DDAH1: variants seen among roughly 807,000 people sequenced by gnomAD.
DDAH1 encodes dimethylarginine dimethylaminohydrolase 1.
Under a neutral mutation model 28.8 loss-of-function variants are expected in DDAH1, and 19 were observed. That is an observed-to-expected ratio of 0.66 (90% CI 0.46 to 0.97). DDAH1 has a LOEUF of 0.97. Ranked by LOEUF, DDAH1 falls within the 50% of genes least tolerant of loss-of-function variation. The probability of loss-of-function intolerance (pLI) is 0.00; values close to 1 mark genes in which losing one functional copy is unlikely to be tolerated. For synonymous variants in DDAH1, 153 were observed against 154.4 expected (o/e 0.99, Z 0.07); for missense variants, 326 against 375.9 (o/e 0.87, Z 1.10).
intron 1 of DDAH1, among the ~76,000 whole-genome samples, chr1:85,552,056 T>C (rs1658808307): frequency 6.6e-6 from 1 of 152,172 alleles, no homozygotes. Context: ...GGATAACTTG[T>C]CCTACCCAAT....
chr1:85,451,817 A>G (rs1466303298), intron 1 of DDAH1, among the ~76,000 whole-genome samples: 1 of 152,178 alleles, frequency 6.6e-6, no homozygotes, highest in Non-Finnish European at 1.5e-5. Flanking sequence ...AGCAGTAGAA[A>G]TGAGACTGGA....
At chr1:85,514,373 G>C (rs1353580114) in intron 1 of DDAH1, among the ~76,000 whole-genome samples, 5 of 152,038 alleles carry the variant, frequency 3.3e-5, no homozygotes, top group Non-Finnish European at 7.4e-5. Context: ...ATCACACACC[G>C]GGGCCTGTCA....
chr1:85,435,004 A>G (rs1653869567), intron 1 of DDAH1, among the ~76,000 whole-genome samples: 1 of 152,134 alleles, frequency 6.6e-6, no homozygotes, highest in African/African-American at 2.4e-5. Flanking sequence ...TTATGTCTCT[A>G]AGTTTTACTA....
intron 1 of DDAH1, chr1:85,435,154 G>C (rs1468223807): frequency 6.6e-6 from 1 of 151,984 alleles, no homozygotes; most frequent in African/African-American, 2.4e-5. Context: ...CACTTAATTT[G>C]CCCATTAGTT....
intron 1 of DDAH1, among the ~76,000 whole-genome samples, chr1:85,450,949 T>TA (rs1482059600): frequency 6.6e-6 from 1 of 152,206 alleles, no homozygotes; most frequent in Admixed American, 6.5e-5. Flanking sequence ...AGAGAAATTA[T>TA]AAAAAGGGTA....
At chr1:85,418,595 T>C (rs1342532755) in intron 1 of DDAH1, among the ~76,000 whole-genome samples, 4 of 152,220 alleles carry the variant, frequency 2.6e-5, no homozygotes, top group African/African-American at 9.6e-5. Context: ...CACTTTTCAG[T>C]TAAATGCTCG....
intron 1 of DDAH1, among the ~76,000 whole-genome samples, chr1:85,509,832 G>T (rs1453855442): frequency 1.3e-5 from 2 of 152,200 alleles, no homozygotes; most frequent in African/African-American, 4.8e-5. Context: ...AGAAATATGT[G>T]ACTATGTGAA....
At chr1:85,424,967 G>C (rs976701788) in intron 1 of DDAH1, among the ~76,000 whole-genome samples, 1 of 152,012 alleles carries the variant, frequency 6.6e-6, no homozygotes, top group Admixed American at 6.6e-5. Context: ...GTCTATTGTC[G>C]TTGGCTGTCT....
At chr1:85,547,686 A>T (rs1244416142) in intron 1 of DDAH1, among the ~76,000 whole-genome samples, 1 of 152,238 alleles carries the variant, frequency 6.6e-6, no homozygotes, top group Non-Finnish European at 1.5e-5. Context: ...AATACTGGGC[A>T]CAAGAGTGAT....
chr1:85,546,033 TGAA>T (rs1658612890), intron 1 of DDAH1, among the ~76,000 whole-genome samples: 1 of 151,788 alleles, frequency 6.6e-6, no homozygotes, highest in Non-Finnish European at 1.5e-5. Flanking sequence ...GCGGTGGTTG[TGAA>T]GATTGAACAT....
intron 1 of DDAH1, among the ~76,000 whole-genome samples, chr1:85,566,801 CGTGT>C (rs1043578432): frequency 6.6e-6 from 1 of 151,734 alleles, no homozygotes; most frequent in African/African-American, 2.4e-5. Flanking sequence ...CATGTGTGTA[CGTGT>C]GTGTATGTGT....
At chr1:85,554,925 A>G (rs1406865584) in intron 1 of DDAH1, among the ~76,000 whole-genome samples, 1 of 152,270 alleles carries the variant, frequency 6.6e-6, no homozygotes, top group African/African-American at 2.4e-5. Context: ...GCAAATGCAT[A>G]CTAATTAACA....
At chr1:85,459,634 T>C (rs1191302859) in intron 1 of DDAH1, among the ~76,000 whole-genome samples, 1 of 152,240 alleles carries the variant, frequency 6.6e-6, no homozygotes, top group African/African-American at 2.4e-5. Context: ...GGTGTCAGAA[T>C]AATTTCTAAT....
chr1:85,493,750 C>T (rs199546605), intron 2 of DDAH1: 1 of 152,144 alleles, frequency 6.6e-6, no homozygotes, highest in Non-Finnish European at 1.5e-5. Flanking sequence ...CACAACATTG[C>T]TTTTGGAACT....
chr1:85,403,254 C>T (rs1206578941), intron 1 of DDAH1, among the ~76,000 whole-genome samples: 1 of 149,940 alleles, frequency 6.7e-6, no homozygotes, highest in Non-Finnish European at 1.5e-5. Flanking sequence ...TACACACACA[C>T]ATGCATGTAC....
chr1:85,373,961 T>C (rs765437840), intron 1 of DDAH1, among the ~76,000 whole-genome samples: 3 of 145,610 alleles, frequency 2.1e-5, no homozygotes, highest in Admixed American at 7.1e-5. Context: ...AGTTAAGAGA[T>C]ACTTGGGACC....
At chr1:85,407,603 C>T (rs1652465760) in intron 1 of DDAH1, among the ~76,000 whole-genome samples, 1 of 152,150 alleles carries the variant, frequency 6.6e-6, no homozygotes, top group East Asian at 1.9e-4. Flanking sequence ...TAAGGGGACA[C>T]CACCGTGCTT....
At chr1:85,332,068 T>C (rs934814830) in intron 4 of DDAH1, among the ~76,000 whole-genome samples, 1 of 152,126 alleles carries the variant, frequency 6.6e-6, no homozygotes, top group African/African-American at 2.4e-5. Flanking sequence ...CTGAAACTGG[T>C]ATTCCCGGGG....
intron 4 of DDAH1, among the ~76,000 whole-genome samples, chr1:85,346,702 C>T (rs1233947041): frequency 6.6e-6 from 1 of 151,644 alleles, no homozygotes; most frequent in Non-Finnish European, 1.5e-5. Context: ...GTCTTCCTGC[C>T]TGTCTATAAT....
Sources: allele counts gnomAD v4.1 joint callset (sites outside exome capture counted in the v4.1 genomes callset), GRCh38; gene constraint gnomAD v4.1.1; transcripts MANE v1.5; gene names NCBI Gene and HGNC (gene_info 2026-07-23, HGNC 2026-07-21).